Variants in CTCF observed in about 807,000 individuals in gnomAD.
The protein encoded by CTCF is CCCTC-binding factor, also known as transcriptional repressor CTCF.
Under a neutral mutation model 72.3 loss-of-function variants are expected in CTCF, and 7 were observed. The ratio of observed to expected loss-of-function variants is 0.10; its 90% CI spans 0.06 to 0.18. CTCF has a LOEUF of 0.18. CTCF is among the 10% of genes least tolerant of loss of function. CTCF has a pLI of 1.00. For synonymous variants in CTCF, 374 were observed against 315.8 expected (o/e 1.18, Z -1.95); for missense variants, 516 against 949.1 (o/e 0.54, Z 6.00).
At chr16:67,624,651 G>T (rs1306649970) in intron 7 of CTCF, among the ~76,000 whole-genome samples, 1 of 151,810 alleles carries the variant, frequency 6.6e-6, no homozygotes, top group African/African-American at 2.4e-5. Flanking sequence ...GGAGTTCGGT[G>T]GCTCAGTCTT....
At chr16:67,577,215 G>A (rs1220091345) in intron 2 of CTCF, among the ~76,000 whole-genome samples, 6 of 151,462 alleles carry the variant, frequency 4.0e-5, no homozygotes, top group Admixed American at 6.6e-5. Flanking sequence ...TCAGGAGATC[G>A]ACACCATCCT....
intron 2 of CTCF, among the ~76,000 whole-genome samples, chr16:67,596,802 G>A (rs185296025): frequency 6.6e-6 from 1 of 151,946 alleles, no homozygotes; most frequent in African/African-American, 2.4e-5. Flanking sequence ...TGGCCAGACT[G>A]GTCTCAACTC....
intron 2 of CTCF, among the ~76,000 whole-genome samples, chr16:67,596,785 A>G (rs1377288273): frequency 6.6e-6 from 1 of 151,880 alleles, no homozygotes; most frequent in East Asian, 1.9e-4. Context: ...ATGGGGTTTC[A>G]CCGTGTTGGC....
chr16:67,587,272 T>C (rs2051681548), intron 2 of CTCF, among the ~76,000 whole-genome samples: 1 of 152,100 alleles, frequency 6.6e-6, no homozygotes, highest in Non-Finnish European at 1.5e-5. Flanking sequence ...AATAATTTTC[T>C]TGATTGTTGT....
chr16:67,573,891 C>T (rs763549750), intron 2 of CTCF, among the ~76,000 whole-genome samples: 2 of 151,550 alleles, frequency 1.3e-5, no homozygotes, highest in Admixed American at 6.6e-5. Context: ...TTTAGCCGGG[C>T]GTTGTGGTGC....
intron 2 of CTCF, among the ~76,000 whole-genome samples, chr16:67,579,902 G>T (rs150053117): frequency 6.6e-6 from 1 of 152,314 alleles, no homozygotes; most frequent in African/African-American, 2.4e-5. Flanking sequence ...GATTAGAGGC[G>T]AGTATGTCAG....
chr16:67,595,715 C>T (rs2051803308), intron 2 of CTCF, among the ~76,000 whole-genome samples: 3 of 152,040 alleles, frequency 2.0e-5, no homozygotes, highest in Admixed American at 2.0e-4. Flanking sequence ...GGTCACAATG[C>T]TAATTAGAAA....
intron 2 of CTCF, among the ~76,000 whole-genome samples, chr16:67,574,936 C>T (rs113775720): frequency 0.071 from 10,768 of 152,078 alleles, 530 homozygotes; most frequent in African/African-American, 0.13. Flanking sequence ...GGATTACAGG[C>T]GTGAGCCACT....
intron 7 of CTCF, among the ~76,000 whole-genome samples, chr16:67,626,335 C>T (rs574182847): frequency 1.3e-5 from 2 of 151,750 alleles, no homozygotes; most frequent in Admixed American, 6.6e-5. Flanking sequence ...CGCCTGTAGT[C>T]CCAGCTACTC....
chr16:67,626,485 T>G, intron 7 of CTCF, 70 bp from the exon 8 acceptor site: 1 of 878,622 alleles, frequency 1.1e-6, no homozygotes, highest in Non-Finnish European at 1.6e-6. Context: ...AATCGAGAAA[T>G]GTATTAGTAA....
At chr16:67,590,589 G>A (rs1204271919) in intron 2 of CTCF, among the ~76,000 whole-genome samples, 3 of 151,770 alleles carry the variant, frequency 2.0e-5, no homozygotes, top group African/African-American at 4.8e-5. Flanking sequence ...TGCCCACCTC[G>A]GCCTCCCAAA....
At chr16:67,619,171 C>T (rs1485245495) in intron 5 of CTCF, among the ~76,000 whole-genome samples, 1 of 152,214 alleles carries the variant, frequency 6.6e-6, no homozygotes, top group Non-Finnish European at 1.5e-5. Flanking sequence ...CGCGGTAGCT[C>T]ACGCCTGTAA....
intron 1 of CTCF, among the ~76,000 whole-genome samples, chr16:67,568,841 ACT>A (rs150642896): frequency 0.041 from 5,696 of 140,406 alleles, 347 homozygotes; most frequent in African/African-American, 0.14. Context: ...TTATTTGGAA[ACT>A]CTTTTTTTTT....
intron 2 of CTCF, among the ~76,000 whole-genome samples, chr16:67,579,907 T>C (rs759634333): frequency 2.0e-5 from 3 of 152,196 alleles, no homozygotes; most frequent in African/African-American, 4.8e-5. Context: ...GAGGCGAGTA[T>C]GTCAGGCTGG....
intron 2 of CTCF, among the ~76,000 whole-genome samples, chr16:67,571,805 G>A (rs990782481): frequency 2.6e-5 from 4 of 152,140 alleles, no homozygotes; most frequent in African/African-American, 7.2e-5. Flanking sequence ...TTGCGTCAGA[G>A]TGTGACAGTG....
intron 2 of CTCF, among the ~76,000 whole-genome samples, chr16:67,595,859 C>G (rs567543474): frequency 6.6e-6 from 1 of 152,224 alleles, no homozygotes; most frequent in African/African-American, 2.4e-5. Context: ...TTGATGTCTA[C>G]GATTCACACC....
At chr16:67,617,213 T>A (rs2052143313) in intron 5 of CTCF, among the ~76,000 whole-genome samples, 1 of 151,984 alleles carries the variant, frequency 6.6e-6, no homozygotes, top group African/African-American at 2.4e-5. Context: ...AAATAAAAAA[T>A]TTAGGCTGGG....
At chr16:67,615,765 C>A (rs1166876083) in intron 4 of CTCF, 1 of 152,156 alleles carries the variant, frequency 6.6e-6, no homozygotes, top group African/African-American at 2.4e-5. Flanking sequence ...ATCGAATGAA[C>A]AAATGAACAT....
At chr16:67,632,516 C>A (rs879711085) in intron 10 of CTCF, among the ~76,000 whole-genome samples, 4 of 152,196 alleles carry the variant, frequency 2.6e-5, no homozygotes, top group Admixed American at 6.5e-5. Flanking sequence ...TCTTACTTGT[C>A]CTGACCCAGA....
Sources: gnomAD v4.1 joint callset for allele counts (sites outside exome capture counted in the v4.1 genomes callset) on GRCh38, gnomAD v4.1.1 for gene constraint, MANE v1.5 for transcripts, NCBI Gene and HGNC (gene_info 2026-07-23, HGNC 2026-07-21) for gene names.